Variants in GNAT3 observed in about 807,000 individuals in gnomAD.
GNAT3 encodes the protein G protein subunit alpha transducin 3.
In GNAT3, 31 loss-of-function variants were observed where a neutral mutation model predicts 37.7. The ratio of observed to expected loss-of-function variants is 0.82; its 90% confidence interval spans 0.62 to 1.11. The LOEUF (loss-of-function observed/expected upper bound fraction) is 1.11, where lower values mean the gene tolerates loss of function less well. Among genes scored for constraint, GNAT3 ranks in the 50% most tolerant of loss-of-function variants. The pLI, the probability that GNAT3 is intolerant of heterozygous loss-of-function variation, is 0.00. For synonymous variants in GNAT3, 138 were observed against 139.8 expected (o/e 0.99, Z 0.09); for missense variants, 437 against 412.5 (o/e 1.06, Z -0.51).
intron 1 of GNAT3, among the ~76,000 whole-genome samples, chr7:80,505,646 G>A (rs1389333286): frequency 3.3e-5 from 5 of 152,152 alleles, no homozygotes; most frequent in African/African-American, 9.7e-5. Context: ...GATTACAGGC[G>A]TGAGCCACTG....
chr7:80,462,776 A>G (rs1232858094), intron 5 of GNAT3, 145 bp from the exon 6 acceptor site: 6 of 568,092 alleles, frequency 1.1e-5, no homozygotes, highest in Non-Finnish European at 1.2e-5. Flanking sequence ...AATTAAATTT[A>G]TTTGGTCAAA....
chr7:80,478,994 T>C lies in GNAT3; in HGVS notation c.308A>G (p.Asp103Gly). ...IDYVNPRSAE[D>G]QRQLYAMANT... ...TGCCATTGCATAAAGTTGTCGTTGG[T>C]CCTCCTAGAACAATATTTTGGTGAG... Residue 103 changes from aspartate (D) to glycine (G), a missense_variant, in exon 4 of 8, where the codon GAC (aspartate) becomes GGC (glycine). Coordinates refer to ENST00000398291, the MANE Select transcript of GNAT3 (RefSeq NM_001102386.3). The C allele has an allele frequency of 1.2e-6, 2 of 1,606,612 alleles. No individual in the cohort carries two copies. Among genetic ancestry groups the C allele is most frequent in the African/African-American group, 1.3e-5 (1 of 74,790 alleles).
At chr7:80,472,244 G>A (rs894152255) in intron 5 of GNAT3, among the ~76,000 whole-genome samples, 3 of 152,088 alleles carry the variant, frequency 2.0e-5, no homozygotes, top group African/African-American at 7.2e-5. Flanking sequence ...TCTGCATTTA[G>A]TGACATCACC....
chr7:80,506,002 A>T (rs1790933484), intron 1 of GNAT3, among the ~76,000 whole-genome samples: 1 of 152,198 alleles, frequency 6.6e-6, no homozygotes, highest in Non-Finnish European at 1.5e-5. Context: ...CTTAAACGGA[A>T]GTATATTTTA....
intron 1 of GNAT3, among the ~76,000 whole-genome samples, chr7:80,495,785 A>G (rs1056606495): frequency 3.3e-5 from 5 of 151,902 alleles, no homozygotes; most frequent in African/African-American, 1.2e-4. Flanking sequence ...GTTTTAATTT[A>G]CATTTCTCTG....
rs557844097 is a variant in GNAT3 at position 80,478,516 on chromosome 7, G to A, written c.461+325C>T. ...GAAATGAATAGCCCAAAACCTCAGT[G>A]TGCATGTCACCAGTCTGTGTTAGTG... On this transcript the variant is annotated intron_variant, in intron 4 of 7. Transcript: ENST00000398291. Among the ~76,000 whole-genome samples, 17 of 152,258 alleles carry A rather than the reference G, an allele frequency of 1.1e-4. 1 individual carries two copies. In the South Asian group the frequency reaches 3.3e-3, roughly 30 times the overall value.
intron 5 of GNAT3, among the ~76,000 whole-genome samples, chr7:80,469,819 A>T (rs1386244716): frequency 6.6e-6 from 1 of 152,150 alleles, no homozygotes; most frequent in African/African-American, 2.4e-5. Flanking sequence ...ACACTCTAAA[A>T]CCCTGTGCAC....
chr7:80,468,469 A>G (rs1790159180), intron 5 of GNAT3, among the ~76,000 whole-genome samples: 2 of 152,104 alleles, frequency 1.3e-5, no homozygotes, highest in African/African-American at 4.8e-5. Flanking sequence ...ATATGATTAC[A>G]TAAAAATAAA....
rs185812956 is a variant in GNAT3, at chr7:80,494,600, C to A, written c.161+5G>T. On this transcript the variant is annotated splice_donor_5th_base_variant and intron_variant, in intron 2 of 7. Transcript: ENST00000398291. The stretch of plus-strand genomic sequence containing the variant: ...ATTAAACACTTGAGACAGATGTATA[C>A]CTACTTCATTTGTTTAACAATAGTA... 984 of 1,475,654 alleles carry A rather than the reference C, an allele frequency of 6.7e-4. 2 individuals carry two copies. The highest frequency in any genetic ancestry group is 2.3e-3 in the South Asian group (194 of 82,942). 91.4% of individuals were successfully genotyped at this position (1,475,654 alleles called of 1,614,324 possible). A position where few individuals can be genotyped will look rare whatever the true frequency, so the allele number is the denominator to read the frequency against.
chr7:80,504,638 A>G (rs1464949803), intron 1 of GNAT3, among the ~76,000 whole-genome samples: 2 of 152,232 alleles, frequency 1.3e-5, no homozygotes, highest in African/African-American at 4.8e-5. Context: ...GAAGATGACA[A>G]AATGAAAAAT....
chr7:80,492,419 T>TAGTAAACATAGCATTTTCTC (rs1327625388), intron 2 of GNAT3, among the ~76,000 whole-genome samples: 1 of 151,778 alleles, frequency 6.6e-6, no homozygotes, highest in Non-Finnish European at 1.5e-5. Flanking sequence ...CCTGTTTTTT[T>TAGTAAACATAGCATTTTCTC]AGTAAACATA....
chr7:80,483,261 T>G (rs1215219897), intron 3 of GNAT3, among the ~76,000 whole-genome samples: 2 of 152,136 alleles, frequency 1.3e-5, no homozygotes, highest in Non-Finnish European at 2.9e-5. Flanking sequence ...TAACCATAAA[T>G]AACACTTTAT....
chr7:80,490,555 G>A (rs1790572243), intron 2 of GNAT3, among the ~76,000 whole-genome samples: 1 of 152,158 alleles, frequency 6.6e-6, no homozygotes, highest in Admixed American at 6.6e-5. Context: ...TTCAAGGATA[G>A]TTATTCCTAG....
At chr7:80,495,201 G>T (rs552331129) in intron 1 of GNAT3, among the ~76,000 whole-genome samples, 1 of 152,156 alleles carries the variant, frequency 6.6e-6, no homozygotes, top group Admixed American at 6.5e-5. Flanking sequence ...AAACATACAA[G>T]TGCAAGTGCC....
At chr7:80,501,674 G>T (rs1372575728) in intron 1 of GNAT3, among the ~76,000 whole-genome samples, 2 of 150,950 alleles carry the variant, frequency 1.3e-5, no homozygotes, top group Non-Finnish European at 1.5e-5. Context: ...TTGTTATTTT[G>T]TTTTGTTGAC....
At chr7:80,485,419 C>A (rs1584182152) in intron 3 of GNAT3, among the ~76,000 whole-genome samples, 1 of 152,100 alleles carries the variant, frequency 6.6e-6, no homozygotes, top group African/African-American at 2.4e-5. Context: ...ATTCCAAAAC[C>A]AAACTAATTA....
intron 1 of GNAT3, among the ~76,000 whole-genome samples, chr7:80,504,371 A>C (rs962153909): frequency 6.6e-6 from 1 of 152,094 alleles, no homozygotes; most frequent in Non-Finnish European, 1.5e-5. Flanking sequence ...CATTATCTGC[A>C]CTCTGTGAGG....
intron 1 of GNAT3, among the ~76,000 whole-genome samples, chr7:80,497,676 A>ATATACG (rs56725103): frequency 4.2e-5 from 4 of 95,878 alleles, no homozygotes; most frequent in African/African-American, 2.7e-4. Context: ...ATATACATAC[A>ATATACG]TATATACACA....
chr7:80,467,360 T>C (rs905003586), intron 5 of GNAT3, among the ~76,000 whole-genome samples: 11 of 152,098 alleles, frequency 7.2e-5, no homozygotes, highest in Admixed American at 2.6e-4. Context: ...GAGACATAGG[T>C]CCAGGGAGCA....
Sources: gnomAD v4.1 joint callset for allele counts (sites outside exome capture counted in the v4.1 genomes callset) on GRCh38, gnomAD v4.1.1 for gene constraint, MANE v1.5 for transcripts, NCBI Gene and HGNC (gene_info 2026-07-23, HGNC 2026-07-21) for gene names.